Variants in KIF5C observed in about 807,000 individuals in gnomAD.
KIF5C encodes kinesin heavy chain isoform 5C.
In KIF5C, 18 loss-of-function variants were observed where a neutral mutation model predicts 125.2. The ratio of observed to expected loss-of-function variants is 0.14; its 90% CI spans 0.10 to 0.21. The LOEUF (loss-of-function observed/expected upper bound fraction) is 0.21. KIF5C is among the 10% of genes least tolerant of loss of function. KIF5C has a pLI of 1.00. For missense variants in KIF5C, 780 were observed against 1,183.8 expected, an observed-to-expected ratio of 0.66 and a Z score of 5.01; for synonymous variants, 405 against 434.0, an observed-to-expected ratio of 0.93 and a Z score of 0.83.
chr2:148,914,215 C>G (rs1383075150), intron 1 of KIF5C, among the ~76,000 whole-genome samples: 1 of 152,202 alleles, frequency 6.6e-6, no homozygotes, highest in Admixed American at 6.5e-5. Context: ...CCTCCTACCC[C>G]CTGTAGGTAA....
chr2:149,002,357 TCA>T (rs1296643603), intron 21 of KIF5C, among the ~76,000 whole-genome samples: 1 of 152,104 alleles, frequency 6.6e-6, no homozygotes, highest in Non-Finnish European at 1.5e-5. Flanking sequence ...GAGCACATCA[TCA>T]CACACTCACA....
chr2:148,876,621 C>T lies in KIF5C; in HGVS notation c.126+878C>T, dbSNP rs1354882797. ...CCTTCCCCACCTTTTCTCCCCCACCCCCTCCCCCTACTTAGCTCCCTCTCT... is the reference window on the plus strand; with the variant it reads ...CCTTCCCCACCTTTTCTCCCCCACCTCCTCCCCCTACTTAGCTCCCTCTCT... On this transcript the variant is annotated intron_variant, in intron 1 of 25. Coordinates refer to ENST00000435030, the MANE Select transcript of KIF5C (RefSeq NM_004522.3). This position sits in a 1 kb window ranked among gnomAD's most constrained non-coding sequence, Gnocchi z 4.7. Among the ~76,000 whole-genome samples, 1 of 152,148 alleles carries T rather than the reference C, an allele frequency of 6.6e-6. No homozygotes were observed. The highest frequency in any genetic ancestry group is 2.4e-5 in the African/African-American group (1 of 41,428).
chr2:148,890,412 G>A (rs942114278), intron 1 of KIF5C, among the ~76,000 whole-genome samples: 6 of 152,064 alleles, frequency 3.9e-5, no homozygotes, highest in African/African-American at 1.4e-4. Flanking sequence ...GAAGCAGGAA[G>A]ATCACTTGAG....
chr2:148,967,744 C>T (rs1680777505), intron 11 of KIF5C, among the ~76,000 whole-genome samples: 1 of 152,132 alleles, frequency 6.6e-6, no homozygotes, highest in Non-Finnish European at 1.5e-5. Flanking sequence ...TTTGTTCAGC[C>T]TGCTTGCTTA....
At chr2:148,908,215 C>T (rs1681192061) in intron 1 of KIF5C, among the ~76,000 whole-genome samples, 2 of 152,296 alleles carry the variant, frequency 1.3e-5, no homozygotes, top group South Asian at 4.1e-4. Flanking sequence ...AGAAATGCAT[C>T]AGAGACAGAC....
At chr2:148,930,657 C>G (rs1276435496) in intron 3 of KIF5C, among the ~76,000 whole-genome samples, 1 of 152,186 alleles carries the variant, frequency 6.6e-6, no homozygotes, top group Non-Finnish European at 1.5e-5. Context: ...TCTGCTCATA[C>G]TGATTTCAAG....
intron 11 of KIF5C, among the ~76,000 whole-genome samples, chr2:148,967,043 T>C (rs1680748158): frequency 6.6e-6 from 1 of 152,208 alleles, no homozygotes; most frequent in African/African-American, 2.4e-5. Context: ...AGCAGTTTTC[T>C]CCTCTGGGCA....
intron 10 of KIF5C, among the ~76,000 whole-genome samples, chr2:148,953,494 A>G (rs1387632926): frequency 6.6e-6 from 1 of 152,246 alleles, no homozygotes; most frequent in Non-Finnish European, 1.5e-5. Context: ...ATTATACAGC[A>G]GACACAAGAC....
At chr2:149,005,509 T>C (rs1479938145) in intron 22 of KIF5C, 45 bp downstream of exon 22, 26 of 1,603,984 alleles carry the variant, frequency 1.6e-5, no homozygotes, top group Non-Finnish European at 2.2e-5. Flanking sequence ...AAATCAAAGA[T>C]GGCAGGGAAG....
intron 25 of KIF5C, 99 bp downstream of exon 25, chr2:149,011,782 T>C: frequency 6.0e-6 from 9 of 1,491,040 alleles, no homozygotes; most frequent in South Asian, 1.3e-5. Flanking sequence ...AGAGAGGAGT[T>C]CTGCTCTACT....
At chr2:148,973,216 C>G in intron 11 of KIF5C, 120 bp from the exon 12 acceptor site, 1 of 1,374,532 alleles carries the variant, frequency 7.3e-7, no homozygotes, top group East Asian at 2.5e-5. Context: ...ACCCACACTA[C>G]AGCCCTTTAT....
chr2:148,983,587 C>A, intron 14 of KIF5C, 33 bp from the exon 15 acceptor site: 1 of 1,522,534 alleles, frequency 6.6e-7, no homozygotes, highest in Non-Finnish European at 8.9e-7. Context: ...GATGGGCAAC[C>A]CTTTGAATTT....
chr2:148,964,701 T>C (rs1435611652), intron 11 of KIF5C, among the ~76,000 whole-genome samples: 2 of 150,574 alleles, frequency 1.3e-5, no homozygotes, highest in East Asian at 2.0e-4. Context: ...CCAGGCAAAA[T>C]AGGGGGCATG....
chr2:148,919,381 A>G (rs997652567), intron 1 of KIF5C, among the ~76,000 whole-genome samples: 2 of 152,204 alleles, frequency 1.3e-5, no homozygotes, highest in Non-Finnish European at 2.9e-5. Flanking sequence ...TGGTGACCTC[A>G]TCATTAGGTT....
intron 1 of KIF5C, among the ~76,000 whole-genome samples, chr2:148,908,283 T>A (rs1349445450): frequency 6.6e-6 from 1 of 152,226 alleles, no homozygotes; most frequent in Non-Finnish European, 1.5e-5. Context: ...ACATTCTTTA[T>A]CTCTGTCTTC....
chr2:148,920,578 A>T (rs1424545874), intron 1 of KIF5C, among the ~76,000 whole-genome samples: 1 of 152,224 alleles, frequency 6.6e-6, no homozygotes, highest in Non-Finnish European at 1.5e-5. Flanking sequence ...TTTTATAGTA[A>T]CTGAAAATTC....
At chr2:148,978,668 A>T (rs1474187109) in intron 12 of KIF5C, among the ~76,000 whole-genome samples, 1 of 152,188 alleles carries the variant, frequency 6.6e-6, no homozygotes, top group East Asian at 1.9e-4. Flanking sequence ...TGATTTCTCA[A>T]TGAGCAGGAA....
At chr2:148,966,937 A>T (rs1680741226) in intron 11 of KIF5C, among the ~76,000 whole-genome samples, 1 of 152,178 alleles carries the variant, frequency 6.6e-6, no homozygotes, top group African/African-American at 2.4e-5. Flanking sequence ...TAGCCTCCAG[A>T]ACTGTAAGTA....
intron 10 of KIF5C, among the ~76,000 whole-genome samples, chr2:148,958,774 G>T (rs943586835): frequency 3.9e-5 from 6 of 152,092 alleles, no homozygotes; most frequent in African/African-American, 1.4e-4. Context: ...CAGAGGTCAG[G>T]ATTTTGAGAC....
Sources: allele counts gnomAD v4.1 joint callset (sites outside exome capture counted in the v4.1 genomes callset), GRCh38; gene constraint gnomAD v4.1.1; non-coding constraint Gnocchi (gnomAD v3.1); transcripts MANE v1.5; gene names NCBI Gene and HGNC (gene_info 2026-07-23, HGNC 2026-07-21).